The following ARHGAP42 variants were observed in gnomAD, a reference collection of about 807,000 sequenced individuals.
ARHGAP42 encodes Rho GTPase activating protein 42.
In ARHGAP42, 63 loss-of-function variants were observed where a neutral mutation model predicts 125.0. The observed-to-expected ratio is 0.50, with a 90% CI of 0.41 to 0.62. The LOEUF (loss-of-function observed/expected upper bound fraction) is 0.62, where lower values mean the gene tolerates loss of function less well. Ranked by LOEUF, ARHGAP42 falls within the 20% of genes least tolerant of loss-of-function variation. ARHGAP42 has a pLI of 0.00. For missense variants in ARHGAP42, 766 were observed against 1,024.2 expected, an observed-to-expected ratio of 0.75 and a Z score of 3.44; for synonymous variants, 339 against 351.0, an observed-to-expected ratio of 0.97 and a Z score of 0.38.
At chr11:100,790,140 A>G (rs1467516450) in intron 2 of ARHGAP42, among the ~76,000 whole-genome samples, 2 of 152,148 alleles carry the variant, frequency 1.3e-5, no homozygotes, top group East Asian at 1.9e-4. Context: ...TCCAGGCAAA[A>G]ATAGTAGTGT....
chr11:100,719,628 C>T (rs545723374), intron 1 of ARHGAP42, among the ~76,000 whole-genome samples: 1 of 152,310 alleles, frequency 6.6e-6, no homozygotes, highest in African/African-American at 2.4e-5. Context: ...TGACCTCACC[C>T]ATATCTCTGC....
intron 4 of ARHGAP42, among the ~76,000 whole-genome samples, chr11:100,901,052 G>T (rs1866531715): frequency 6.6e-6 from 1 of 152,008 alleles, no homozygotes; most frequent in Non-Finnish European, 1.5e-5. Flanking sequence ...CTTTGATGTT[G>T]GTGACCTACA....
chr11:100,810,256 A>T (rs1864104896), intron 3 of ARHGAP42, among the ~76,000 whole-genome samples: 1 of 152,222 alleles, frequency 6.6e-6, no homozygotes. Context: ...CCAATCAATG[A>T]GTCAGTTCAA....
chr11:100,906,570 T>C (rs1866743162), intron 4 of ARHGAP42, among the ~76,000 whole-genome samples: 1 of 74,034 alleles, frequency 1.4e-5, no homozygotes, highest in Non-Finnish European at 2.5e-5. Flanking sequence ...GCCATTTTAA[T>C]GTGGAAACTT....
chr11:100,736,170 G>A (rs1047013536), intron 1 of ARHGAP42, among the ~76,000 whole-genome samples: 56 of 152,184 alleles, frequency 3.7e-4, no homozygotes, highest in Non-Finnish European at 7.5e-4. Context: ...GTTTTAGTTA[G>A]TTTGTTTTGA....
At chr11:100,877,585 C>T (rs551000149) in intron 4 of ARHGAP42, among the ~76,000 whole-genome samples, 1 of 152,250 alleles carries the variant, frequency 6.6e-6, no homozygotes, top group South Asian at 2.1e-4. Context: ...TCTGGCTTTC[C>T]AGAGATTCAG....
chr11:100,704,072 G>C (rs917206253), intron 1 of ARHGAP42, among the ~76,000 whole-genome samples: 2 of 152,228 alleles, frequency 1.3e-5, no homozygotes, highest in African/African-American at 4.8e-5. Flanking sequence ...AGAGACAAAA[G>C]AGACATTCAG....
chr11:100,944,169 A>G (rs988819810), intron 10 of ARHGAP42, among the ~76,000 whole-genome samples: 1 of 152,018 alleles, frequency 6.6e-6, no homozygotes, highest in African/African-American at 2.4e-5. Context: ...AAGGAATCCA[A>G]TGGCATATTT....
intron 3 of ARHGAP42, among the ~76,000 whole-genome samples, chr11:100,819,186 C>T (rs140046106): frequency 1.2e-3 from 186 of 152,216 alleles, no homozygotes; most frequent in African/African-American, 3.8e-3. Flanking sequence ...GTATACAGAA[C>T]GGATCAGTTT....
intron 1 of ARHGAP42, among the ~76,000 whole-genome samples, chr11:100,749,782 A>C (rs1044858748): frequency 4.6e-5 from 7 of 152,104 alleles, no homozygotes; most frequent in African/African-American, 1.7e-4. Context: ...CCACTGGAAC[A>C]ACACTGCAAG....
intron 3 of ARHGAP42, among the ~76,000 whole-genome samples, chr11:100,812,849 A>T (rs1864180905): frequency 6.6e-6 from 1 of 152,176 alleles, no homozygotes; most frequent in Non-Finnish European, 1.5e-5. Flanking sequence ...AGGCCTTGTA[A>T]GGAATTAGAC....
chr11:100,711,165 G>A (rs1264108209), intron 1 of ARHGAP42, among the ~76,000 whole-genome samples: 1 of 152,180 alleles, frequency 6.6e-6, no homozygotes, highest in African/African-American at 2.4e-5. Flanking sequence ...ATTATTTTAT[G>A]GGACTGTTGT....
intron 3 of ARHGAP42, among the ~76,000 whole-genome samples, chr11:100,849,120 G>T (rs1865141495): frequency 6.6e-6 from 1 of 152,152 alleles, no homozygotes; most frequent in Non-Finnish European, 1.5e-5. Flanking sequence ...TTAAATGATT[G>T]TATTTTCTGT....
At chr11:100,754,652 G>T (rs1332418999) in intron 1 of ARHGAP42, among the ~76,000 whole-genome samples, 1 of 152,218 alleles carries the variant, frequency 6.6e-6, no homozygotes, top group Non-Finnish European at 1.5e-5. Context: ...GTTTTTGTTT[G>T]TGATGCTTTA....
intron 3 of ARHGAP42, among the ~76,000 whole-genome samples, chr11:100,850,204 T>C (rs1021559763): frequency 6.6e-6 from 1 of 152,178 alleles, no homozygotes; most frequent in Non-Finnish European, 1.5e-5. Context: ...TCAAAAAAGA[T>C]TTTAATAGGG....
chr11:100,771,359 ATAAC>A (rs1240290499), intron 2 of ARHGAP42, among the ~76,000 whole-genome samples: 2 of 152,176 alleles, frequency 1.3e-5, no homozygotes, highest in Non-Finnish European at 2.9e-5. Context: ...TCTGATTCTT[ATAAC>A]TCCCTCCACC....
intron 3 of ARHGAP42, among the ~76,000 whole-genome samples, chr11:100,840,992 T>C (rs915037273): frequency 1.3e-5 from 2 of 152,140 alleles, no homozygotes; most frequent in Non-Finnish European, 2.9e-5. Context: ...TGCTCCCCCT[T>C]AGTTCTAGAT....
rs58895541 is a variant in ARHGAP42 at position 100,717,923 on chromosome 11, T to TGAAAAA, written c.154+30091_154+30092insGAAAAA. On this transcript the variant is annotated intron_variant, in intron 1 of 23. Transcript: ENST00000298815. Reference sequence around the variant, plus strand: ...TGGGCAACAGAGCGAGACTCTGCCTTAAAAAAAAAAAAAAAAGACACCGTA... The same window carrying TGAAAAA: ...TGGGCAACAGAGCGAGACTCTGCCTTGAAAAAAAAAAAAAAAAAAAAAGACACCGTA... Among the ~76,000 whole-genome samples the TGAAAAA allele has an allele frequency of 4.3e-5, 6 of 140,904 alleles. 3 individuals carry two copies. Among genetic ancestry groups the TGAAAAA allele is most frequent in the Non-Finnish European group, 3.0e-5 (2 of 65,836 alleles). 92.4% of individuals were successfully genotyped at this position (140,904 alleles called of 152,430 possible). A position where few individuals can be genotyped will look rare whatever the true frequency, so the allele number is the denominator to read the frequency against.
chr11:100,759,305 C>G (rs1424697618), intron 1 of ARHGAP42, among the ~76,000 whole-genome samples: 1 of 152,142 alleles, frequency 6.6e-6, no homozygotes, highest in Non-Finnish European at 1.5e-5. Flanking sequence ...TCTGGTTTTC[C>G]TCTCTTCCTC....
Sources: allele counts gnomAD v4.1 joint callset (sites outside exome capture counted in the v4.1 genomes callset), GRCh38; gene constraint gnomAD v4.1.1; transcripts MANE v1.5; gene names NCBI Gene and HGNC (gene_info 2026-07-23, HGNC 2026-07-21).